The following ELOVL6 variants were observed in gnomAD, a reference collection of about 807,000 sequenced individuals.
The protein encoded by ELOVL6 is ELOVL fatty acid elongase 6, also known as very long chain fatty acid elongase 6.
A neutral mutation model predicts 31.7 loss-of-function variants in ELOVL6; 8 were observed. The observed-to-expected ratio is 0.25, with a 90% CI of 0.15 to 0.45. The LOEUF (loss-of-function observed/expected upper bound fraction) is 0.45, where lower values mean the gene tolerates loss of function less well. Among genes scored for constraint, ELOVL6 ranks in the 20% least tolerant of loss-of-function variants. The pLI is 1.00. For missense variants in ELOVL6, 126 were observed against 326.4 expected, an observed-to-expected ratio of 0.39 and a Z score of 4.73; for synonymous variants, 101 against 117.7, an observed-to-expected ratio of 0.86 and a Z score of 0.92.
At chr4:110,084,942 G>A (rs903662119) in intron 2 of ELOVL6, among the ~76,000 whole-genome samples, 15 of 151,970 alleles carry the variant, frequency 9.9e-5, no homozygotes, top group African/African-American at 3.4e-4. Context: ...TAAGGCTATT[G>A]GCCTGAGCAA....
At position 110,054,487 on chromosome 4, in the gene ELOVL6, G is replaced by A. The variant is rs150493213; in HGVS notation, c.374-2725C>T. On this transcript the variant is annotated intron_variant, in intron 3 of 3. Transcript: ENST00000302274. Reference sequence around the variant, plus strand: ...AAGGTAGATGTCCAAGATACTGTATGTTTAAAACAAGTTTAGTCATTCATA... The same window carrying A: ...AAGGTAGATGTCCAAGATACTGTATATTTAAAACAAGTTTAGTCATTCATA... 5.2e-4 allele frequency among the ~76,000 whole-genome samples: 79 copies of A among 152,288 alleles called. 1 individual carries two copies. Among genetic ancestry groups the A allele is most frequent in the African/African-American group, 1.9e-3 (78 of 41,568 alleles).
intron 1 of ELOVL6, among the ~76,000 whole-genome samples, chr4:110,162,509 AT>A (rs532829072): frequency 1.3e-5 from 2 of 151,888 alleles, no homozygotes; most frequent in Admixed American, 1.3e-4. Flanking sequence ...ACTATGCCTA[AT>A]TTTTTTTCTA....
intron 2 of ELOVL6, among the ~76,000 whole-genome samples, chr4:110,081,711 A>G (rs1262293109): frequency 6.6e-6 from 1 of 151,312 alleles, no homozygotes; most frequent in Non-Finnish European, 1.5e-5. Flanking sequence ...AAACACTAAA[A>G]GCAAGGGCAA....
rs146064742 is a variant in ELOVL6, at chr4:110,104,728, C to T, written c.221+769G>A. On this transcript the variant is annotated intron_variant, in intron 2 of 3. Coordinates refer to ENST00000302274, the MANE Select transcript of ELOVL6 (RefSeq NM_024090.3). ...AGCAAAACACAAATAGAACAGGTGC[C>T]TTTGTTAGCACTCTAGGTAAATCCT... Among the ~76,000 whole-genome samples the T allele has an allele frequency of 3.5e-4, 54 of 152,280 alleles. 1 individual carries two copies. The East Asian group carries it at 8.9e-3, about 25-fold the overall frequency.
At position 110,084,394 on chromosome 4, in the gene ELOVL6, G is replaced by GATATATGATATATATCGC. The variant is rs1560815180; in HGVS notation, c.221+21102_221+21103insGCGATATATATCATATAT. Reference sequence around the variant, plus strand: ...GATATATGATATATATCGCATATATGATATATGATATATGACATACATGAT... The same window carrying GATATATGATATATATCGC: ...GATATATGATATATATCGCATATATGATATATGATATATATCGCATATATGATATATGACATACATGAT... On this transcript the variant is annotated intron_variant, in intron 2 of 3. Coordinates refer to ENST00000302274, the MANE Select transcript of ELOVL6 (RefSeq NM_024090.3). Among the ~76,000 whole-genome samples, 319 of 41,040 alleles carry GATATATGATATATATCGC rather than the reference G, an allele frequency of 7.8e-3. 7 individuals carry two copies. The highest frequency in any genetic ancestry group is 0.022 in the African/African-American group (285 of 13,008). 26.9% of individuals were successfully genotyped at this position (41,040 alleles called of 152,430 possible). A position where few individuals can be genotyped will look rare whatever the true frequency, so the allele number is the denominator to read the frequency against.
chr4:110,071,005 T>A (rs780715679), intron 2 of ELOVL6, among the ~76,000 whole-genome samples: 19 of 152,182 alleles, frequency 1.2e-4, no homozygotes, highest in Non-Finnish European at 2.6e-4. Context: ...ATTATCTGTA[T>A]AGAGTCTTCC....
intron 2 of ELOVL6, among the ~76,000 whole-genome samples, chr4:110,096,690 G>C (rs183483778): frequency 6.6e-6 from 1 of 152,122 alleles, no homozygotes; most frequent in Admixed American, 6.5e-5. Flanking sequence ...TGGTGAGCAG[G>C]AAGAAGAGTG....
At chr4:110,084,588 A>ATATATATTTTTT (rs1553956261) in intron 2 of ELOVL6, among the ~76,000 whole-genome samples, 1 of 29,658 alleles carries the variant, frequency 3.4e-5, no homozygotes, top group African/African-American at 2.2e-4. Context: ...ATATATATAT[A>ATATATATTTTTT]TTTTTTTTTT....
At chr4:110,066,248 T>C (rs1334675017) in intron 2 of ELOVL6, among the ~76,000 whole-genome samples, 3 of 152,142 alleles carry the variant, frequency 2.0e-5, no homozygotes, top group African/African-American at 7.2e-5. Context: ...TATCCAGTGA[T>C]GCCAGAACAG....
chr4:110,173,494 G>A (rs1411479101), intron 1 of ELOVL6, among the ~76,000 whole-genome samples: 1 of 150,978 alleles, frequency 6.6e-6, no homozygotes, highest in Non-Finnish European at 1.5e-5. Flanking sequence ...TTCTGCAAAA[G>A]GCCACCTTTA....
intron 1 of ELOVL6, among the ~76,000 whole-genome samples, chr4:110,165,107 T>G (rs1176547099): frequency 3.9e-5 from 6 of 152,164 alleles, no homozygotes; most frequent in Non-Finnish European, 7.3e-5. Context: ...GTAGAGCAGG[T>G]TTGATCTCTA....
chr4:110,124,380 A>G (rs1757435787), intron 1 of ELOVL6, among the ~76,000 whole-genome samples: 1 of 152,218 alleles, frequency 6.6e-6, no homozygotes, highest in Non-Finnish European at 1.5e-5. Context: ...CAGCCATAAA[A>G]AGGAATGAGA....
At chr4:110,195,836 T>C (rs1759759260) in intron 1 of ELOVL6, among the ~76,000 whole-genome samples, 1 of 152,170 alleles carries the variant, frequency 6.6e-6, no homozygotes, top group African/African-American at 2.4e-5. Context: ...GCTAGGTGCT[T>C]TGCAGAATCA....
rs1758543994 is a variant in ELOVL6 at position 110,158,661 on chromosome 4, T to TA, written c.89+39585_89+39586insT. 4.6e-3 allele frequency among the ~76,000 whole-genome samples: 391 copies of TA among 84,382 alleles called. 2 individuals carry two copies. The highest frequency in any genetic ancestry group is 0.02 in the African/African-American group (353 of 17,930). The allele number at this position is 84,382 out of a possible 152,430, so 55.4% of individuals were successfully genotyped here. A position where few individuals can be genotyped will look rare whatever the true frequency, so the allele number is the denominator to read the frequency against. On this transcript the variant is annotated intron_variant, in intron 1 of 3. Transcript: ENST00000302274. ...TATATATATATATATATATATATTT[T>TA]TTTTTTTTTTTTTTTTGAGACAGAA...
At chr4:110,182,195 T>A (rs1294903400) in intron 1 of ELOVL6, among the ~76,000 whole-genome samples, 1 of 152,206 alleles carries the variant, frequency 6.6e-6, no homozygotes, top group Non-Finnish European at 1.5e-5. Context: ...ATTCTAAAGT[T>A]AAATTAATGT....
In ELOVL6 at chr4:110,087,960, C is replaced by T. The variant is rs149468517; in HGVS notation, c.221+17537G>A. ...CTCTGTCTTTTCTTTTTTCAGATTC[C>T]GGCCTTCGTGAAGGTTACAAATACG... is the stretch of plus-strand genomic sequence containing the variant. On this transcript the variant is annotated intron_variant, in intron 2 of 3. Transcript: ENST00000302274. Among the ~76,000 whole-genome samples the T allele has an allele frequency of 6.6e-5, 10 of 152,122 alleles. No individual in the cohort carries two copies. In the South Asian group the frequency reaches 1.0e-3, roughly 16 times the overall value.
intron 1 of ELOVL6, among the ~76,000 whole-genome samples, chr4:110,177,490 T>C (rs1485302602): frequency 6.6e-6 from 1 of 151,878 alleles, no homozygotes; most frequent in Non-Finnish European, 1.5e-5. Context: ...GAGCATATCC[T>C]TTTATAAACT....
At position 110,046,421 on chromosome 4, in the gene ELOVL6, T is replaced by C. The variant is rs1165130328; in HGVS notation, c.*4917A>G. On this transcript the variant is annotated 3_prime_UTR_variant, in exon 4 of 4. Transcript: ENST00000302274. ...CAGCCTAAAATCAAAGTGCCACTTT[T>C]GAGCTCTCCCAAGCCCCACTCACGA... 1 of 152,262 alleles carries C rather than the reference T, an allele frequency of 6.6e-6. No homozygotes were observed. The highest frequency in any genetic ancestry group is 2.4e-5 in the African/African-American group (1 of 41,462). 9.4% of individuals were successfully genotyped at this position (152,262 alleles called of 1,614,324 possible).
intron 2 of ELOVL6, among the ~76,000 whole-genome samples, chr4:110,090,600 C>CTTTTTTGTTTTTTT (rs1553956743): frequency 6.7e-5 from 7 of 103,714 alleles, no homozygotes; most frequent in Admixed American, 1.1e-4. Flanking sequence ...GTTTGACTTT[C>CTTTTTTGTTTTTTT]TTTTTTTTTT....
Sources: gnomAD v4.1 joint callset for allele counts (sites outside exome capture counted in the v4.1 genomes callset) on GRCh38, gnomAD v4.1.1 for gene constraint, MANE v1.5 for transcripts, NCBI Gene and HGNC (gene_info 2026-07-23, HGNC 2026-07-21) for gene names.